SPNS2: variants seen among roughly 807,000 people sequenced by gnomAD.
SPNS2 encodes the protein sphingosine-1-phosphate transporter SPNS2.
In SPNS2, 37 loss-of-function variants were observed where a neutral mutation model predicts 57.6. The ratio of observed to expected loss-of-function variants is 0.64; its 90% CI spans 0.49 to 0.85. The LOEUF (loss-of-function observed/expected upper bound fraction) is 0.85, where lower values mean the gene tolerates loss of function less well. SPNS2 is among the 40% of genes least tolerant of loss of function. SPNS2 has a pLI of 0.00. For synonymous variants in SPNS2, 440 were observed against 346.9 expected, an observed-to-expected ratio of 1.27 and a Z score of -2.98; for missense variants, 831 against 779.1, an observed-to-expected ratio of 1.07 and a Z score of -0.79.
chr17:4,517,320 T>C (rs938968056), intron 2 of SPNS2, among the ~76,000 whole-genome samples: 1 of 152,200 alleles, frequency 6.6e-6, no homozygotes, highest in African/African-American at 2.4e-5. Context: ...AGAGCCTGCA[T>C]GGGACACGGG....
intron 2 of SPNS2, 38 bp from the exon 3 acceptor site, chr17:4,525,019 G>A (rs749767428): frequency 1.9e-6 from 3 of 1,600,906 alleles, no homozygotes; most frequent in African/African-American, 2.7e-5. Flanking sequence ...CGGGGCGCAG[G>A]GACCTGGGCC....
At chr17:4,534,583 G>A (rs1801916735) in intron 9 of SPNS2, among the ~76,000 whole-genome samples, 1 of 152,066 alleles carries the variant, frequency 6.6e-6, no homozygotes, top group South Asian at 2.1e-4. Context: ...CCCCAGCATG[G>A]GACAGCCCGG....
At position 4,536,273 on chromosome 17, in the gene SPNS2, TGATCCGCCA is replaced by T; in HGVS notation, c.1457_1465del (p.Ile486_Gln488del). On this transcript the variant is annotated inframe_deletion, in exon 11 of 13. Coordinates refer to ENST00000329078, the MANE Select transcript of SPNS2 (RefSeq NM_001124758.3). The stretch of plus-strand genomic sequence containing the variant: ...CCCAAATCCTCGCAGATCTCAGACC[TGATCCGCCA>T]GAGCACTAAGGACTCCCCGCTCTGG... 6.2e-7 allele frequency: 1 copy of T among 1,612,350 alleles called. No individual in the cohort carries two copies. Among genetic ancestry groups the T allele is most frequent in the South Asian group, 1.1e-5 (1 of 91,084 alleles).
rs1905587745 is a variant in SPNS2, at chr17:4,533,316, T to G, written c.1162T>G (p.Cys388Gly). 1 of 1,611,980 alleles carries G rather than the reference T, an allele frequency of 6.2e-7. No individual in the cohort carries two copies. Reference sequence around the variant, plus strand: ...CACGGGGGCAGGAGCCACGCGCTGGTGCCGCCTGAAGACCCAGCGGGCCGA... The same window carrying G: ...CACGGGGGCAGGAGCCACGCGCTGGGGCCGCCTGAAGACCCAGCGGGCCGA... The part of the protein sequence containing the change: ...VVTGAGATRW[C>G]RLKTQRADPL... The change falls in exon 8 of 13, where the codon TGC becomes GGC. Residue 388 changes from cysteine (C) to glycine (G), a missense_variant. Around this residue, in one of 2 missense-constraint regions of SPNS2, gnomAD observed 526 missense variants for 400.9 expected, o/e 1.31. Transcript: ENST00000329078.
At position 4,537,656 on chromosome 17, in the gene SPNS2, G is replaced by A. The variant is rs1457602502; in HGVS notation, c.*208G>A. On this transcript the variant is annotated 3_prime_UTR_variant, in exon 13 of 13. Coordinates refer to ENST00000329078, the MANE Select transcript of SPNS2 (RefSeq NM_001124758.3). ...ACCCTGGAAGGATGTGTGTGTTGGA[G>A]CCACACGGTTGGACAGGTTCCCAGC... The A allele has an allele frequency of 4.4e-6, 2 of 456,802 alleles. No homozygotes were observed. Among genetic ancestry groups the A allele is most frequent in the Middle Eastern group, 3.3e-4 (1 of 3,076 alleles). The allele number at this position is 456,802 out of a possible 1,614,324, so 28.3% of individuals were successfully genotyped here. A position where few individuals can be genotyped will look rare whatever the true frequency, so the allele number is the denominator to read the frequency against.
Position 4,499,131 on chromosome 17 carries a change from G to T in SPNS2, c.84G>T (p.Arg28=), listed in dbSNP as rs1000336248. The change falls in exon 1 of 13, where the codon CGG becomes CGT. Residue 28 remains arginine, a synonymous_variant. Coordinates refer to ENST00000329078, the MANE Select transcript of SPNS2 (RefSeq NM_001124758.3). This position sits in a 1 kb window ranked among gnomAD's most constrained non-coding sequence, Gnocchi z 5.2. ...ACGCGGAGCGGCGGCGCCGGCGCCG[G>T]GGGGCGCAGCGAGGGGCTGGCGGTA... ...EADAERRRRR[R]GAQRGAGGSG... is the part of the protein sequence containing the mutation. 224 of 1,151,536 alleles carry T rather than the reference G, an allele frequency of 1.9e-4. 1 individual carries two copies. Among genetic ancestry groups the T allele is most frequent in the Non-Finnish European group, 2.3e-4 (216 of 935,858 alleles). 71.3% of individuals were successfully genotyped at this position (1,151,536 alleles called of 1,614,324 possible).
At chr17:4,518,133 G>A (rs986461927) in intron 2 of SPNS2, among the ~76,000 whole-genome samples, 7 of 152,220 alleles carry the variant, frequency 4.6e-5, no homozygotes, top group Non-Finnish European at 8.8e-5. Context: ...GGCAGGGTCT[G>A]AGTGTGAAAG....
At chr17:4,525,347 C>T (rs932014868) in intron 3 of SPNS2, among the ~76,000 whole-genome samples, 154 bp downstream of exon 3, 26 of 152,234 alleles carry the variant, frequency 1.7e-4, no homozygotes, top group Non-Finnish European at 3.1e-4. Flanking sequence ...AGGTGGTCTT[C>T]GGGTATTTTT....
intron 3 of SPNS2, among the ~76,000 whole-genome samples, chr17:4,529,489 A>G (rs368883866): frequency 5.9e-5 from 9 of 152,158 alleles, no homozygotes; most frequent in African/African-American, 1.9e-4. Flanking sequence ...CCTGGCCAAC[A>G]TGGCAAAACC....
intron 1 of SPNS2, among the ~76,000 whole-genome samples, chr17:4,504,065 G>A (rs1315752665): frequency 4.0e-5 from 6 of 151,630 alleles, no homozygotes; most frequent in Non-Finnish European, 1.5e-5. Flanking sequence ...CTTTTACAGG[G>A]TCACCTGGTG....
chr17:4,509,944 A>C (rs1213425634), intron 1 of SPNS2, among the ~76,000 whole-genome samples: 1 of 152,188 alleles, frequency 6.6e-6, no homozygotes, highest in Non-Finnish European at 1.5e-5. Flanking sequence ...CGTGAGGCCC[A>C]TCCTGTGACC....
intron 9 of SPNS2, among the ~76,000 whole-genome samples, chr17:4,535,736 C>A (rs186397759): frequency 8.5e-5 from 13 of 152,096 alleles, no homozygotes; most frequent in African/African-American, 2.7e-4. Flanking sequence ...GGGGGCACAG[C>A]AGGTTTGAGG....
At position 4,510,884 on chromosome 17, in the gene SPNS2, G is replaced by T. The variant is rs1468747287; in HGVS notation, c.371-2363G>T. ...CCACGCAGAAGGCAGCGTGGCAGGA[G>T]AACGAGCTTTGGTTTTTGGCAATAG... On this transcript the variant is annotated intron_variant, in intron 1 of 12. Coordinates refer to ENST00000329078, the MANE Select transcript of SPNS2 (RefSeq NM_001124758.3). The surrounding 1 kb of genome is among the most constrained non-coding windows in gnomAD (Gnocchi z 4.4). Among the ~76,000 whole-genome samples the T allele has an allele frequency of 6.6e-6, 1 of 152,194 alleles. No homozygotes were observed. Among genetic ancestry groups the T allele is most frequent in the Non-Finnish European group, 1.5e-5 (1 of 68,036 alleles).
chr17:4,518,152 G>A (rs1222270040), intron 2 of SPNS2, among the ~76,000 whole-genome samples: 1 of 152,214 alleles, frequency 6.6e-6, no homozygotes, highest in African/African-American at 2.4e-5. Context: ...AGGCTTGAAG[G>A]CCAAGATAAG....
chr17:4,506,851 A>G (rs563774195), intron 1 of SPNS2, among the ~76,000 whole-genome samples: 56 of 152,250 alleles, frequency 3.7e-4, no homozygotes, highest in Admixed American at 6.5e-4. Context: ...TGTAGAACAA[A>G]CCCAGTTGAG....
Position 4,533,397 on chromosome 17 carries a change from T to G in SPNS2, c.1243T>G (p.Phe415Val). Residue 415 changes from phenylalanine to valine, a missense_variant, in exon 8 of 13, where the codon TTC (phenylalanine) becomes GTC (valine). Phe to Val is a conservative substitution (Grantham distance 50, BLOSUM62 -1). This residue lies in a region of SPNS2 where 526 missense variants were observed against 400.9 expected (regional missense o/e 1.31). Coordinates refer to ENST00000329078, the MANE Select transcript of SPNS2 (RefSeq NM_001124758.3). ...LGSAIFICLI[F>V]VAAKSSIVGA... ...CTCTGCCATCTTCATCTGCCTGATC[T>G]TCGTGGCTGCCAAGAGCAGCATCGT... 6.2e-7 allele frequency: 1 copy of G among 1,609,084 alleles called. No individual in the cohort carries two copies. Among genetic ancestry groups the G allele is most frequent in the East Asian group, 2.2e-5 (1 of 44,822 alleles).
chr17:4,537,303 T>G, intron 12 of SPNS2, 150 bp from the exon 13 acceptor site: 1 of 426,444 alleles, frequency 2.3e-6, no homozygotes, highest in East Asian at 5.2e-5. Context: ...CTGGGAGTTA[T>G]AGCTTCCCAG....
chr17:4,516,756 C>T (rs191551381), intron 2 of SPNS2, among the ~76,000 whole-genome samples: 11 of 152,278 alleles, frequency 7.2e-5, no homozygotes, highest in East Asian at 5.8e-4. Context: ...GTTGAAATTA[C>T]AAAGCTGAGC....
Position 4,499,032 on chromosome 17 carries a change from C to T in SPNS2, c.-16C>T, listed in dbSNP as rs1312647557. On this transcript the variant is annotated 5_prime_UTR_variant, in exon 1 of 13. Transcript: ENST00000329078. The surrounding 1 kb of genome is among the most constrained non-coding windows in gnomAD (Gnocchi z 5.2). ...CCGCGCCCCCCGCGCCCCCCGCCGC[C>T]CCGATCCGGGCCGGCATGATGTGCC... The T allele has an allele frequency of 1.0e-6, 1 of 1,003,308 alleles. No homozygotes were observed. The highest frequency in any genetic ancestry group is 1.2e-6 in the Non-Finnish European group (1 of 843,320). The allele number at this position is 1,003,308 out of a possible 1,614,324, so 62.2% of individuals were successfully genotyped here.
Sources: allele counts gnomAD v4.1 joint callset (sites outside exome capture counted in the v4.1 genomes callset), GRCh38; gene constraint gnomAD v4.1.1; regional missense constraint gnomAD v4.1.1; non-coding constraint Gnocchi (gnomAD v3.1); transcripts MANE v1.5; gene names NCBI Gene and HGNC (gene_info 2026-07-23, HGNC 2026-07-21).